AKAIN1: variants seen among roughly 807,000 people sequenced by gnomAD.
AKAIN1 encodes A-kinase anchor inhibitor 1.
In AKAIN1, 3 loss-of-function variants were observed where a neutral mutation model predicts 3.7. That is an observed-to-expected ratio of 0.82 (90% CI 0.37 to 2.12). The LOEUF (loss-of-function observed/expected upper bound fraction) is 2.12, where lower values mean the gene tolerates loss of function less well. Among genes scored for constraint, AKAIN1 ranks in the 30% most tolerant of loss-of-function variants. The pLI, the probability that AKAIN1 is intolerant of heterozygous loss-of-function variation, is 0.06. For synonymous variants in AKAIN1, 31 were observed against 30.8 expected, an observed-to-expected ratio of 1.01 and a Z score of -0.02; for missense variants, 82 against 82.7, an observed-to-expected ratio of 0.99 and a Z score of 0.03.
chr18:5,166,461 C>T (rs1353142613), intron 1 of AKAIN1, among the ~76,000 whole-genome samples: 2 of 151,986 alleles, frequency 1.3e-5, no homozygotes, highest in Non-Finnish European at 2.9e-5. Context: ...GGACCACTAT[C>T]CAGTGCTGTT....
chr18:5,158,620 T>C (rs913401354), intron 1 of AKAIN1, among the ~76,000 whole-genome samples: 1 of 152,176 alleles, frequency 6.6e-6, no homozygotes, highest in African/African-American at 2.4e-5. Context: ...GAAAATAAGC[T>C]CTTTTCAGTT....
chr18:5,155,658 A>G (rs2143319951), intron 1 of AKAIN1, among the ~76,000 whole-genome samples: 1 of 152,318 alleles, frequency 6.6e-6, no homozygotes, highest in Non-Finnish European at 1.5e-5. Flanking sequence ...CAGAGCCACC[A>G]AACCACCAGG....
intron 1 of AKAIN1, among the ~76,000 whole-genome samples, chr18:5,180,413 C>T (rs866888574): frequency 2.0e-5 from 3 of 152,208 alleles, no homozygotes; most frequent in Middle Eastern, 3.4e-3. Context: ...AGACCTGCCC[C>T]TGTCTAAGGC....
chr18:5,169,321 A>C (rs1235756628), intron 1 of AKAIN1, among the ~76,000 whole-genome samples: 2 of 152,096 alleles, frequency 1.3e-5, no homozygotes, highest in Non-Finnish European at 2.9e-5. Flanking sequence ...CAACATCTAG[A>C]CAGGTGTTTG....
chr18:5,191,274 C>G (rs1325446584), intron 1 of AKAIN1, among the ~76,000 whole-genome samples: 1 of 152,160 alleles, frequency 6.6e-6, no homozygotes, highest in African/African-American at 2.4e-5. Flanking sequence ...CAACTTATCT[C>G]TTACAACTAA....
intron 1 of AKAIN1, among the ~76,000 whole-genome samples, chr18:5,160,975 A>T (rs1567873600): frequency 6.6e-6 from 1 of 152,128 alleles, no homozygotes; most frequent in Non-Finnish European, 1.5e-5. Flanking sequence ...CATCTGGAAC[A>T]GCAAGTCTCT....
intron 1 of AKAIN1, among the ~76,000 whole-genome samples, chr18:5,191,062 A>G (rs1031233926): frequency 6.6e-6 from 1 of 152,126 alleles, no homozygotes; most frequent in Non-Finnish European, 1.5e-5. Flanking sequence ...ACAAAACAAA[A>G]CTGCAGCTAA....
chr18:5,154,767 C>G (rs79435837), intron 1 of AKAIN1, among the ~76,000 whole-genome samples: 7,416 of 152,084 alleles, frequency 0.049, 489 homozygotes, highest in East Asian at 0.15. Context: ...GTCAGTCAAT[C>G]AACTGATGCT....
At chr18:5,155,398 G>A (rs7227057) in intron 1 of AKAIN1, among the ~76,000 whole-genome samples, 64,529 of 151,960 alleles carry the variant, frequency 0.42, 15,953 homozygotes, top group African/African-American at 0.7. Context: ...TTCTCTTTTC[G>A]TAAATATTCA....
chr18:5,197,499 T>A, upstream of AKAIN1: 8 of 391,856 alleles, frequency 2.0e-5, no homozygotes, highest in South Asian at 9.2e-4. This position sits in a 1 kb window ranked among gnomAD's most constrained non-coding sequence, Gnocchi z 6.9. Context: ...TTAAGATAGA[T>A]TTGTCAAAAA....
intron 1 of AKAIN1, among the ~76,000 whole-genome samples, chr18:5,151,018 C>A (rs1276241259): frequency 6.6e-6 from 1 of 152,006 alleles, no homozygotes; most frequent in Non-Finnish European, 1.5e-5. Context: ...GATAGGGCAC[C>A]AGAGGTTGTA....
At chr18:5,158,626 C>T (rs1457318103) in intron 1 of AKAIN1, among the ~76,000 whole-genome samples, 1 of 152,180 alleles carries the variant, frequency 6.6e-6, no homozygotes, top group South Asian at 2.1e-4. Context: ...AAGCTCTTTT[C>T]AGTTGGGTCC....
chr18:5,145,610 G>A lies in AKAIN1; in HGVS notation c.162C>T (p.His54=). 2 of 1,551,424 alleles carry A rather than the reference G, an allele frequency of 1.3e-6. No homozygotes were observed. Among genetic ancestry groups the A allele is most frequent in the Non-Finnish European group, 1.7e-6 (2 of 1,146,918 alleles). Residue 54 remains histidine, a synonymous_variant, in exon 2 of 2, where the codon CAC becomes CAT. Coordinates refer to ENST00000434239, the MANE Select transcript of AKAIN1 (RefSeq NM_001145194.2). ...TTAACTCCCCAACGCCCAGTTGGAT[G>A]TGGTCCCGGTTGTCACTGATTCTCT... ...REERISDNRD[H]IQLGVGELTK... is the part of the protein sequence containing the mutation.
chr18:5,159,322 C>T (rs749105639), intron 1 of AKAIN1: 2 of 151,990 alleles, frequency 1.3e-5, no homozygotes, highest in Non-Finnish European at 2.9e-5. Context: ...CAGGGAGCCT[C>T]GGCTGCCACA....
At chr18:5,169,153 G>A (rs1420743149) in intron 1 of AKAIN1, among the ~76,000 whole-genome samples, 3 of 152,040 alleles carry the variant, frequency 2.0e-5, no homozygotes, top group Non-Finnish European at 4.4e-5. Flanking sequence ...ACTCTATGTT[G>A]CAGTCTTAAA....
chr18:5,164,103 A>G (rs2071154662), intron 1 of AKAIN1, among the ~76,000 whole-genome samples: 1 of 152,080 alleles, frequency 6.6e-6, no homozygotes. Flanking sequence ...TTCTCTAACC[A>G]TGTGCAAAAA....
intron 1 of AKAIN1, among the ~76,000 whole-genome samples, chr18:5,175,480 C>A (rs1239364962): frequency 6.6e-6 from 1 of 152,160 alleles, no homozygotes; most frequent in African/African-American, 2.4e-5. Context: ...TATTGGCCAA[C>A]AACTTACACT....
chr18:5,159,171 C>T (rs983136269), intron 1 of AKAIN1, among the ~76,000 whole-genome samples: 13 of 145,964 alleles, frequency 8.9e-5, no homozygotes, highest in African/African-American at 2.2e-4. Context: ...AGATGTTTTA[C>T]GTCTTTTTTT....
intron 1 of AKAIN1, among the ~76,000 whole-genome samples, chr18:5,171,539 G>C (rs571737095): frequency 1.3e-5 from 2 of 152,108 alleles, no homozygotes; most frequent in Non-Finnish European, 2.9e-5. Flanking sequence ...GATCCGAATA[G>C]ACAGTTCTCA....
Sources: allele counts gnomAD v4.1 joint callset (sites outside exome capture counted in the v4.1 genomes callset), GRCh38; gene constraint gnomAD v4.1.1; non-coding constraint Gnocchi (gnomAD v3.1); transcripts MANE v1.5; gene names NCBI Gene and HGNC (gene_info 2026-07-23, HGNC 2026-07-21).